Variants in CYP4F3 observed in about 807,000 individuals in gnomAD.
CYP4F3 encodes cytochrome P450 family 4 subfamily F member 3.
In CYP4F3, 50 loss-of-function variants were observed where a neutral mutation model predicts 54.8. The observed-to-expected ratio is 0.91, with a 90% CI of 0.73 to 1.16. CYP4F3 has a LOEUF of 1.16. CYP4F3 is among the 50% of genes most tolerant of loss of function. CYP4F3 has a pLI of 0.00. For synonymous variants in CYP4F3, 244 were observed against 262.6 expected (o/e 0.93, Z 0.69); for missense variants, 715 against 676.2 (o/e 1.06, Z -0.64).
intron 2 of CYP4F3, among the ~76,000 whole-genome samples, chr19:15,644,633 G>A (rs1008356102): frequency 4.6e-5 from 7 of 152,166 alleles, no homozygotes; most frequent in Non-Finnish European, 1.0e-4. Flanking sequence ...TGTTATTTCT[G>A]TGATGTCCAT....
In CYP4F3 at chr19:15,659,107, C is replaced by T. The variant is rs543032442; in HGVS notation, c.1398-113C>T. 343 of 1,416,958 alleles carry T rather than the reference C, an allele frequency of 2.4e-4. 1 individual carries two copies. Among genetic ancestry groups the T allele is most frequent in the Middle Eastern group, 1.0e-3 (4 of 3,810 alleles). The allele number at this position is 1,416,958 out of a possible 1,614,324, so 87.8% of individuals were successfully genotyped here. Reference sequence around the variant, plus strand: ...GATCCAGGCACGGATACCCCCTTCTCTGTTCCTCAAACTGCTCTAGGTGGG... The same window carrying T: ...GATCCAGGCACGGATACCCCCTTCTTTGTTCCTCAAACTGCTCTAGGTGGG... On this transcript the variant is annotated intron_variant, in intron 12 of 12. Coordinates refer to ENST00000221307, the MANE Select transcript of CYP4F3 (RefSeq NM_000896.3).
chr19:15,651,715 A>G (rs1240519846), intron 7 of CYP4F3, among the ~76,000 whole-genome samples: 2 of 150,506 alleles, frequency 1.3e-5, no homozygotes, highest in Non-Finnish European at 3.0e-5. Flanking sequence ...GTCTATGAGT[A>G]TTTGTGTCTG....
At position 15,658,378 on chromosome 19, in the gene CYP4F3, C is replaced by G. The variant is rs766845413; in HGVS notation, c.1230C>G (p.Asp410Glu). The G allele has an allele frequency of 6.2e-7, 1 of 1,613,920 alleles. No individual in the cohort carries two copies. The highest frequency in any genetic ancestry group is 8.5e-7 in the Non-Finnish European group (1 of 1,179,970). The change falls in exon 10 of 13, where the codon GAC becomes GAG. Residue 410 changes from aspartate (D) to glutamate (E), a missense_variant. Transcript: ENST00000221307. ...RCCTQDIVLP[D>E]GRVIPKGIIC... The stretch of plus-strand genomic sequence containing the variant: ...GCACCCAAGACATTGTGCTCCCAGA[C>G]GGCCGGGTCATCCCCAAAGGTGCCA...
At position 15,662,272 on chromosome 19, in the gene CYP4F3, C is replaced by CAAAAAAAAAAAAAAAAGAAAAAA. The variant is rs1973197882; in HGVS notation, c.*2903_*2904insGAAAAAAAAAAAAAAAAAAAAAA. 1.4e-5 allele frequency: 1 copy of CAAAAAAAAAAAAAAAAGAAAAAA among 73,706 alleles called. No individual in the cohort carries two copies. Among genetic ancestry groups the CAAAAAAAAAAAAAAAAGAAAAAA allele is most frequent in the Non-Finnish European group, 2.3e-5 (1 of 43,774 alleles). 4.6% of individuals were successfully genotyped at this position (73,706 alleles called of 1,614,324 possible). On this transcript the variant is annotated 3_prime_UTR_variant, in exon 13 of 13. Transcript: ENST00000221307. ...GGTGAAAGAGCTAGATTCTCTCTCT[C>CAAAAAAAAAAAAAAAAGAAAAAA]AAAAAAAAAAAAAAAAAAAAGGAAA...
chr19:15,650,666 TTCTTTCTTTCTTTCTTTCTTTC>T (rs1972773998), intron 7 of CYP4F3, among the ~76,000 whole-genome samples: 2 of 32,470 alleles, frequency 6.2e-5, no homozygotes, highest in South Asian at 1.1e-3. Flanking sequence ...TTCTTTTTCT[TTCTTTCTTTCTTTCTTTCTTTC>T]TTTCTTTCTT....
chr19:15,643,964 C>A, intron 2 of CYP4F3: 1 of 1,606,812 alleles, frequency 6.2e-7, no homozygotes, highest in Non-Finnish European at 8.5e-7. Flanking sequence ...CACCTACCCC[C>A]AGGGCTTTAA....
chr19:15,650,974 C>G (rs1972837698), intron 7 of CYP4F3, among the ~76,000 whole-genome samples: 1 of 150,130 alleles, frequency 6.7e-6, no homozygotes, highest in South Asian at 2.1e-4. Flanking sequence ...CTCCCGGGTT[C>G]AAGTGATTCT....
At position 15,660,359 on chromosome 19, in the gene CYP4F3, T is replaced by A. The variant is rs952398832; in HGVS notation, c.*974T>A. On this transcript the variant is annotated 3_prime_UTR_variant, in exon 13 of 13. Transcript: ENST00000221307. The stretch of plus-strand genomic sequence containing the variant: ...AGCAATAGATGCACAGATATTCCTG[T>A]AAGATACAGGTGTGGTTAGACACTT... 3.9e-5 allele frequency: 6 copies of A among 152,208 alleles called. No homozygotes were observed. Among genetic ancestry groups the A allele is most frequent in the African/African-American group, 1.4e-4 (6 of 41,468 alleles). The allele number at this position is 152,208 out of a possible 1,614,324, so 9.4% of individuals were successfully genotyped here.
At chr19:15,658,092 T>C in intron 9 of CYP4F3, 172 bp from the exon 10 acceptor site, 1 of 979,758 alleles carries the variant, frequency 1.0e-6, no homozygotes, top group South Asian at 4.7e-5. Flanking sequence ...TGGGTCTATT[T>C]TCTTGTTTCT....
rs60874509 is a variant in CYP4F3 at position 15,653,735 on chromosome 19, G to GGAGAGAGAGA, written c.1115+825_1115+834dup. 3.8e-4 allele frequency among the ~76,000 whole-genome samples: 42 copies of GGAGAGAGAGA among 111,756 alleles called. 1 individual carries two copies. Among genetic ancestry groups the GGAGAGAGAGA allele is most frequent in the East Asian group, 2.2e-3 (9 of 4,182 alleles). The allele number at this position is 111,756 out of a possible 152,430, so 73.3% of individuals were successfully genotyped here. A position where few individuals can be genotyped will look rare whatever the true frequency, so the allele number is the denominator to read the frequency against. On this transcript the variant is annotated intron_variant, in intron 9 of 12. Coordinates refer to ENST00000221307, the MANE Select transcript of CYP4F3 (RefSeq NM_000896.3). ...GGTCTTCGGGGGAGGAAGAGAGAGA[G>GGAGAGAGAGA]GAGAGAGAGAGAGAGAGAGAGAGAG...
At chr19:15,647,422 G>A in intron 5 of CYP4F3, 98 bp downstream of exon 5, 1 of 1,554,634 alleles carries the variant, frequency 6.4e-7, no homozygotes, top group South Asian at 1.2e-5. Flanking sequence ...GGTGCCTCTG[G>A]GCCATTGTCT....
chr19:15,659,534 A>G lies in CYP4F3; in HGVS notation c.*149A>G, dbSNP rs1480506883. The G allele has an allele frequency of 1.7e-6, 2 of 1,189,920 alleles. No individual in the cohort carries two copies. The highest frequency in any genetic ancestry group is 3.2e-5 in the African/African-American group (2 of 62,292). The allele number at this position is 1,189,920 out of a possible 1,614,324, so 73.7% of individuals were successfully genotyped here. On this transcript the variant is annotated 3_prime_UTR_variant, in exon 13 of 13. Transcript: ENST00000221307. Reference sequence around the variant, plus strand: ...AATTGAGACAAGTGTTCAAACAGAAAGACGCTTGTGCGTGAATGTTCATGG... The same window carrying G: ...AATTGAGACAAGTGTTCAAACAGAAGGACGCTTGTGCGTGAATGTTCATGG...
intron 12 of CYP4F3, among the ~76,000 whole-genome samples, 162 bp downstream of exon 12, chr19:15,658,971 T>G (rs1365515142): frequency 6.6e-6 from 1 of 152,098 alleles, no homozygotes; most frequent in Admixed American, 6.5e-5. Flanking sequence ...TAGGATTGGG[T>G]TGGTCCTAGA....
rs151183588 is a variant in CYP4F3 at position 15,647,693 on chromosome 19, C to T, written c.525+369C>T. The stretch of plus-strand genomic sequence containing the variant: ...ATCCTGATAAGTCTGTGGGACAGTT[C>T]GTGGATTCTTCTGGATGTGGATGGA... On this transcript the variant is annotated intron_variant, in intron 5 of 12. Transcript: ENST00000221307. Among the ~76,000 whole-genome samples the T allele has an allele frequency of 7.9e-5, 12 of 152,268 alleles. No homozygotes were observed. The East Asian group carries it at 1.3e-3, about 17-fold the overall frequency.
chr19:15,654,126 C>T (rs749580083), intron 9 of CYP4F3, among the ~76,000 whole-genome samples: 8 of 152,120 alleles, frequency 5.3e-5, no homozygotes, highest in Non-Finnish European at 1.2e-4. Context: ...GGACGGGTGT[C>T]TTGGACTCAG....
chr19:15,658,105 A>G (rs1411871134), intron 9 of CYP4F3, 159 bp from the exon 10 acceptor site: 1 of 983,598 alleles, frequency 1.0e-6, no homozygotes, highest in Non-Finnish European at 1.2e-6. Context: ...TTGTTTCTGC[A>G]ACAGTGTCAC....
rs575953161 is a variant in CYP4F3, at chr19:15,652,957, G to T, written c.1115+5G>T. ...TGAGCCTAAAGAGATTGAATGGTGA[G>T]TGCAGGTGCTGGTGCCCTGTTCCTG... On this transcript the variant is annotated splice_donor_5th_base_variant and intron_variant, in intron 9 of 12. Coordinates refer to ENST00000221307, the MANE Select transcript of CYP4F3 (RefSeq NM_000896.3). 3 of 1,600,728 alleles carry T rather than the reference G, an allele frequency of 1.9e-6. No homozygotes were observed. Among genetic ancestry groups the T allele is most frequent in the African/African-American group, 2.7e-5 (2 of 74,484 alleles).
intron 2 of CYP4F3, 97 bp downstream of exon 2, chr19:15,641,710 TGG>T: frequency 2.1e-6 from 1 of 483,008 alleles, no homozygotes; most frequent in Non-Finnish European, 3.9e-6. Context: ...GGCTGGGGTC[TGG>T]GGTGGCAGAG....
rs755325321 is a variant in CYP4F3, at chr19:15,658,380, G to A, written c.1232G>A (p.Gly411Asp). The A allele has an allele frequency of 1.5e-5, 25 of 1,613,880 alleles. No homozygotes were observed. Among genetic ancestry groups the A allele is most frequent in the Non-Finnish European group, 1.9e-5 (23 of 1,179,956 alleles). Residue 411 changes from glycine (G) to aspartate (D), a missense_variant, in exon 10 of 13, where the codon GGC becomes GAC. Physicochemically the swap from Gly to Asp is moderately conservative, Grantham distance 94. Coordinates refer to ENST00000221307, the MANE Select transcript of CYP4F3 (RefSeq NM_000896.3). The stretch of plus-strand genomic sequence containing the variant: ...ACCCAAGACATTGTGCTCCCAGACG[G>A]CCGGGTCATCCCCAAAGGTGCCACA... ...CCTQDIVLPD[G>D]RVIPKGIICL... is the part of the protein sequence containing the mutation.
Sources: allele counts gnomAD v4.1 joint callset (sites outside exome capture counted in the v4.1 genomes callset), GRCh38; gene constraint gnomAD v4.1.1; transcripts MANE v1.5; gene names NCBI Gene and HGNC (gene_info 2026-07-23, HGNC 2026-07-21).